Variants in ANO4 observed in about 807,000 individuals in gnomAD.
ANO4 encodes the protein anoctamin 4.
In ANO4, 69 loss-of-function variants were observed where a neutral mutation model predicts 141.9. The ratio of observed to expected loss-of-function variants is 0.49; its 90% CI spans 0.40 to 0.59. ANO4 has a LOEUF of 0.59. ANO4 is among the 20% of genes least tolerant of loss of function. The pLI, the probability that ANO4 is intolerant of heterozygous loss-of-function variation, is 0.00. For synonymous variants in ANO4, 350 were observed against 394.3 expected (o/e 0.89, Z 1.33); for missense variants, 894 against 1,162.2 (o/e 0.77, Z 3.36).
Position 101,016,429 on chromosome 12 carries a change from G to A in ANO4, c.735-3605G>A, listed in dbSNP as rs911150036. On this transcript the variant is annotated intron_variant, in intron 8 of 27. Coordinates refer to ENST00000392977, the MANE Select transcript of ANO4 (RefSeq NM_001286615.2). Reference sequence around the variant, plus strand: ...TGAGAACTCACTCATTACCATGGGCGTAACACCAAGACATTCATGAGAGAT... The same window carrying A: ...TGAGAACTCACTCATTACCATGGGCATAACACCAAGACATTCATGAGAGAT... Among the ~76,000 whole-genome samples, 16 of 152,060 alleles carry A rather than the reference G, an allele frequency of 1.1e-4. No individual in the cohort carries two copies. The East Asian group carries it at 1.5e-3, about 15-fold the overall frequency.
intron 3 of ANO4, among the ~76,000 whole-genome samples, chr12:100,925,844 T>TACAC (rs1190828365): frequency 7.4e-6 from 1 of 135,892 alleles, no homozygotes; most frequent in South Asian, 2.7e-4. Context: ...CATACATATA[T>TACAC]ATACACACAC....
chr12:100,853,765 T>C (rs999675403), intron 1 of ANO4, among the ~76,000 whole-genome samples: 9 of 152,172 alleles, frequency 5.9e-5, no homozygotes, highest in Non-Finnish European at 1.2e-4. Flanking sequence ...TATCAAAGGC[T>C]AAAGGTAGTA....
intron 1 of ANO4, among the ~76,000 whole-genome samples, chr12:100,859,809 A>G (rs775523902): frequency 4.6e-5 from 7 of 152,108 alleles, no homozygotes; most frequent in Non-Finnish European, 7.4e-5. Flanking sequence ...ACTTAATACT[A>G]TTAGATTAGT....
chr12:100,775,805 C>A (rs1462536657), intron 3 of ANO4, among the ~76,000 whole-genome samples: 1 of 151,768 alleles, frequency 6.6e-6, no homozygotes, highest in African/African-American at 2.4e-5. Context: ...ATTATGAGTT[C>A]TTAGAGATAA....
intron 1 of ANO4, among the ~76,000 whole-genome samples, chr12:100,890,256 C>G (rs2040040697): frequency 6.6e-6 from 1 of 152,140 alleles, no homozygotes; most frequent in Non-Finnish European, 1.5e-5. Context: ...AGTTCCACAG[C>G]TACTACAAGA....
intron 3 of ANO4, among the ~76,000 whole-genome samples, chr12:100,759,973 A>G (rs1221773645): frequency 6.6e-6 from 1 of 152,230 alleles, no homozygotes; most frequent in Non-Finnish European, 1.5e-5. Context: ...TATGACAAGA[A>G]CACACATACC....
chr12:100,970,383 A>G (rs1034455317), intron 5 of ANO4, among the ~76,000 whole-genome samples: 19 of 151,992 alleles, frequency 1.3e-4, no homozygotes, highest in African/African-American at 4.6e-4. Flanking sequence ...AGTACGCCTT[A>G]GCCCTTTGCT....
At chr12:100,896,870 C>T (rs2040377736) in intron 1 of ANO4, among the ~76,000 whole-genome samples, 2 of 152,180 alleles carry the variant, frequency 1.3e-5, no homozygotes, top group Admixed American at 1.3e-4. Flanking sequence ...CTAACTTGTA[C>T]TGAGCACCCA....
intron 9 of ANO4, 122 bp from the exon 10 acceptor site, chr12:101,036,973 G>A (rs2047223450): frequency 1.3e-6 from 1 of 779,426 alleles, no homozygotes; most frequent in African/African-American, 1.7e-5. Flanking sequence ...AACTCTTGGT[G>A]CCCCTAAGAG....
chr12:100,857,110 C>A (rs1458518353), intron 1 of ANO4, among the ~76,000 whole-genome samples: 1 of 152,110 alleles, frequency 6.6e-6, no homozygotes, highest in Non-Finnish European at 1.5e-5. Flanking sequence ...CGTATGGAGA[C>A]TCAAATGTTC....
chr12:100,989,621 A>AGATGGATG (rs375754773), intron 8 of ANO4, among the ~76,000 whole-genome samples: 1,098 of 103,222 alleles, frequency 0.011, 12 homozygotes, highest in African/African-American at 0.017. Flanking sequence ...ATGGATGGAT[A>AGATGGATG]GATGGATGGA....
intron 26 of ANO4, among the ~76,000 whole-genome samples, chr12:101,124,322 A>AT (rs1054116704): frequency 1.3e-5 from 2 of 151,290 alleles, no homozygotes; most frequent in South Asian, 2.1e-4. Flanking sequence ...GTTGCTTGGT[A>AT]TTTTTTTTGT....
intron 5 of ANO4, among the ~76,000 whole-genome samples, chr12:100,959,110 CT>C (rs1174389335): frequency 6.8e-6 from 1 of 146,430 alleles, no homozygotes; most frequent in Non-Finnish European, 1.5e-5. Context: ...CTCAACCCCC[CT>C]CCACAGACAC....
chr12:100,831,096 TA>T (rs2036609024), intron 1 of ANO4, among the ~76,000 whole-genome samples: 1 of 152,146 alleles, frequency 6.6e-6, no homozygotes, highest in South Asian at 2.1e-4. Context: ...TAAAACTGTA[TA>T]AAGATCCTGT....
chr12:100,830,388 G>T (rs971251183), intron 1 of ANO4, among the ~76,000 whole-genome samples: 8 of 152,098 alleles, frequency 5.3e-5, no homozygotes, highest in African/African-American at 1.9e-4. Context: ...CTGAGAAGAT[G>T]AATGATGTTT....
intron 5 of ANO4, among the ~76,000 whole-genome samples, chr12:100,968,319 A>G (rs1208385106): frequency 6.6e-6 from 1 of 152,182 alleles, no homozygotes; most frequent in Non-Finnish European, 1.5e-5. Context: ...ATGTTTACAT[A>G]CATTTATGAA....
At chr12:100,925,099 G>C (rs2041807884) in intron 3 of ANO4, among the ~76,000 whole-genome samples, 1 of 152,040 alleles carries the variant, frequency 6.6e-6, no homozygotes, top group Non-Finnish European at 1.5e-5. Context: ...TTGCAAACAA[G>C]TTTTGTGCTA....
intron 1 of ANO4, among the ~76,000 whole-genome samples, chr12:100,733,124 A>C (rs192887753): frequency 1.3e-5 from 2 of 152,254 alleles, no homozygotes; most frequent in African/African-American, 4.8e-5. Flanking sequence ...AAACTGCCAC[A>C]AAGTGATCTT....
At chr12:100,842,929 T>C (rs1335017567) in intron 1 of ANO4, among the ~76,000 whole-genome samples, 1 of 152,140 alleles carries the variant, frequency 6.6e-6, no homozygotes, top group Non-Finnish European at 1.5e-5. Context: ...CAAACCATGG[T>C]ATATTCTAAA....
Sources: allele counts gnomAD v4.1 joint callset (sites outside exome capture counted in the v4.1 genomes callset), GRCh38; gene constraint gnomAD v4.1.1; transcripts MANE v1.5; gene names NCBI Gene and HGNC (gene_info 2026-07-23, HGNC 2026-07-21).